RALGPS2: variants seen among roughly 807,000 people sequenced by gnomAD.
The protein encoded by RALGPS2 is Ral GEF with PH domain and SH3 binding motif 2, also known as ras-specific guanine nucleotide-releasing factor RalGPS2.
In RALGPS2, 43 loss-of-function variants were observed where a neutral mutation model predicts 86.8. The observed-to-expected ratio is 0.50, with a 90% CI of 0.39 to 0.64. RALGPS2 has a LOEUF of 0.64. RALGPS2 is among the 30% of genes least tolerant of loss of function. RALGPS2 has a pLI of 0.00. For synonymous variants in RALGPS2, 243 were observed against 231.3 expected, an observed-to-expected ratio of 1.05 and a Z score of -0.46; for missense variants, 536 against 694.6, an observed-to-expected ratio of 0.77 and a Z score of 2.57.
chr1:178,863,309 A>T (rs1190866182), intron 8 of RALGPS2, among the ~76,000 whole-genome samples: 1 of 152,240 alleles, frequency 6.6e-6, no homozygotes, highest in Non-Finnish European at 1.5e-5. Context: ...ACATTAATCA[A>T]AACAGAGATG....
intron 1 of RALGPS2, among the ~76,000 whole-genome samples, chr1:178,768,805 G>T (rs938550493): frequency 2.0e-5 from 3 of 152,326 alleles, no homozygotes; most frequent in South Asian, 2.1e-4. Flanking sequence ...GTGTGTCCAG[G>T]TGTGGAACTG....
chr1:178,902,199 G>A lies in RALGPS2; in HGVS notation c.1618G>A (p.Asp540Asn), dbSNP rs1660207040. ...PEHPDLFLLTDSEKGNSYKFQ... is the reference protein window; with the variant it reads ...PEHPDLFLLTNSEKGNSYKFQ... ...ACATCCTGATCTCTTCCTGCTGACT[G>A]ACTCTGAGAAAGGTGAATTGTTAGA... Residue 540 changes from aspartate (D) to asparagine (N), a missense_variant, in exon 18 of 20, where the codon GAC becomes AAC. By Grantham distance (23) the Asp-to-Asn change is conservative (BLOSUM62 1). Transcript: ENST00000367635. 6.2e-7 allele frequency: 1 copy of A among 1,611,604 alleles called. No individual in the cohort carries two copies. Among genetic ancestry groups the A allele is most frequent in the African/African-American group, 1.3e-5 (1 of 74,794 alleles).
chr1:178,771,633 C>CT (rs1399565428), intron 1 of RALGPS2, among the ~76,000 whole-genome samples: 3 of 151,682 alleles, frequency 2.0e-5, no homozygotes, highest in Admixed American at 6.6e-5. Flanking sequence ...TGTTTTTTTA[C>CT]TTTTTTCTAA....
intron 5 of RALGPS2, among the ~76,000 whole-genome samples, chr1:178,809,089 A>AT (rs1654866357): frequency 6.6e-6 from 1 of 152,006 alleles, no homozygotes; most frequent in Non-Finnish European, 1.5e-5. Context: ...GCCTCAAGCG[A>AT]TCCTCCTGCC....
chr1:178,742,209 G>T lies in RALGPS2; in HGVS notation c.-84+16790G>T, dbSNP rs1278168396. ...AAAAAACAAGAGTTAACCATCTCCT[G>T]CCTGCAAGAAACCTACTTTAAATAT... On this transcript the variant is annotated intron_variant, in intron 1 of 19. Transcript: ENST00000367635. 2.0e-4 allele frequency among the ~76,000 whole-genome samples: 30 copies of T among 151,260 alleles called. 1 individual carries two copies. The highest frequency in any genetic ancestry group is 2.0e-3 in the Admixed American group (30 of 15,140).
At chr1:178,906,380 A>G (rs1660387896) in intron 18 of RALGPS2, among the ~76,000 whole-genome samples, 1 of 152,188 alleles carries the variant, frequency 6.6e-6, no homozygotes, top group Non-Finnish European at 1.5e-5. Context: ...ATCTCAAAAA[A>G]AAAAAAATCT....
chr1:178,876,649 A>G (rs920366156), intron 8 of RALGPS2, among the ~76,000 whole-genome samples: 3 of 152,228 alleles, frequency 2.0e-5, no homozygotes, highest in Non-Finnish European at 4.4e-5. Flanking sequence ...CTGAGAGTAC[A>G]TGAACATGAA....
chr1:178,736,720 G>A (rs1000886486), intron 1 of RALGPS2, among the ~76,000 whole-genome samples: 2 of 151,984 alleles, frequency 1.3e-5, no homozygotes, highest in Non-Finnish European at 2.9e-5. Flanking sequence ...GCAATGTGGT[G>A]AAACCCTGTC....
chr1:178,765,398 G>A (rs1438916491), intron 1 of RALGPS2, among the ~76,000 whole-genome samples: 2 of 152,110 alleles, frequency 1.3e-5, no homozygotes, highest in Non-Finnish European at 2.9e-5. Flanking sequence ...CGCAAAACCA[G>A]CAAGTTTTTA....
intron 7 of RALGPS2, among the ~76,000 whole-genome samples, chr1:178,822,833 G>GA (rs898039136): frequency 4.0e-5 from 6 of 151,122 alleles, no homozygotes; most frequent in South Asian, 4.2e-4. Context: ...TATACGCTGT[G>GA]AAAAAAAAAT....
intron 1 of RALGPS2, among the ~76,000 whole-genome samples, chr1:178,733,491 C>T (rs1027715607): frequency 2.6e-5 from 4 of 152,210 alleles, no homozygotes; most frequent in East Asian, 1.9e-4. Flanking sequence ...TTTAGAAAAC[C>T]GCAAATTAAA....
chr1:178,748,924 G>A (rs1651495632), intron 1 of RALGPS2, among the ~76,000 whole-genome samples: 1 of 151,478 alleles, frequency 6.6e-6, no homozygotes, highest in African/African-American at 2.4e-5. Flanking sequence ...TTTCATAGGT[G>A]TATACTATAT....
chr1:178,747,534 T>TCTGCTGCCAAACCATAAGCCA, intron 1 of RALGPS2: 1 of 1,612,116 alleles, frequency 6.2e-7, no homozygotes, highest in Non-Finnish European at 8.5e-7. Context: ...GCTTTGGTCT[T>TCTGCTGCCAAACCATAAGCCA]CTGCTGCCAA....
Position 178,879,136 on chromosome 1 carries a change from T to G in RALGPS2, c.836+144T>G, listed in dbSNP as rs904653307. The G allele has an allele frequency of 6.2e-5, 71 of 1,141,558 alleles. 1 individual carries two copies. In the African/African-American group the frequency reaches 1.0e-3, roughly 16 times the overall value. 70.7% of individuals were successfully genotyped at this position (1,141,558 alleles called of 1,614,324 possible). A position where few individuals can be genotyped will look rare whatever the true frequency, so the allele number is the denominator to read the frequency against. On this transcript the variant is annotated intron_variant, in intron 10 of 19. Transcript: ENST00000367635. ...TTACAGCAGTAAAGGTACTAACATG[T>G]ATTACTTCTTAATCACTTGTTATGA...
At chr1:178,737,893 T>C (rs1432917862) in intron 1 of RALGPS2, among the ~76,000 whole-genome samples, 2 of 152,094 alleles carry the variant, frequency 1.3e-5, no homozygotes, top group African/African-American at 2.4e-5. Flanking sequence ...TCCTCCTGCC[T>C]CAGCCTCCCA....
chr1:178,780,122 A>G (rs1653318216), intron 2 of RALGPS2, among the ~76,000 whole-genome samples: 1 of 152,204 alleles, frequency 6.6e-6, no homozygotes, highest in Non-Finnish European at 1.5e-5. Context: ...AATCTTATAT[A>G]ACGTAATCAT....
intron 6 of RALGPS2, among the ~76,000 whole-genome samples, chr1:178,819,316 A>T (rs1655387868): frequency 6.6e-6 from 1 of 152,056 alleles, no homozygotes; most frequent in South Asian, 2.1e-4. Context: ...ACTATGAAGT[A>T]GTTATTTGGG....
intron 2 of RALGPS2, among the ~76,000 whole-genome samples, chr1:178,784,119 A>C (rs1373797431): frequency 6.6e-6 from 1 of 152,210 alleles, no homozygotes. Flanking sequence ...TTTGAGAATC[A>C]TTGAACTAGT....
intron 8 of RALGPS2, among the ~76,000 whole-genome samples, chr1:178,847,537 T>C (rs906780038): frequency 1.3e-5 from 2 of 152,118 alleles, no homozygotes; most frequent in African/African-American, 2.4e-5. Context: ...AGTGGAATCA[T>C]TGTTTTCTTA....
Sources: gnomAD v4.1 joint callset for allele counts (sites outside exome capture counted in the v4.1 genomes callset) on GRCh38, gnomAD v4.1.1 for gene constraint, MANE v1.5 for transcripts, NCBI Gene and HGNC (gene_info 2026-07-23, HGNC 2026-07-21) for gene names.